ABHD2: variants seen among roughly 807,000 people sequenced by gnomAD.
ABHD2 encodes monoacylglycerol lipase ABHD2.
A neutral mutation model predicts 48.1 loss-of-function variants in ABHD2; 20 were observed. That is an observed-to-expected ratio of 0.42 (90% CI 0.29 to 0.60). ABHD2 has a LOEUF of 0.60. Among genes scored for constraint, ABHD2 ranks in the 20% least tolerant of loss-of-function variants. ABHD2 has a pLI of 0.24. For missense variants in ABHD2, 405 were observed against 550.9 expected (o/e 0.74, Z 2.65); for synonymous variants, 209 against 214.2 (o/e 0.98, Z 0.21).
Position 89,102,802 on chromosome 15 carries a change from T to C in ABHD2, c.-106-10923T>C, listed in dbSNP as rs2049721929. Among the ~76,000 whole-genome samples the C allele has an allele frequency of 6.6e-6, 1 of 152,134 alleles. No individual in the cohort carries two copies. The highest frequency in any genetic ancestry group is 2.1e-4 in the South Asian group (1 of 4,828). Reference sequence around the variant, plus strand: ...TCTGCAGTGTAGAGTATTTTTTAGGTGGACTAGGAGCAAATGCCTGCCTGA... The same window carrying C: ...TCTGCAGTGTAGAGTATTTTTTAGGCGGACTAGGAGCAAATGCCTGCCTGA... On this transcript the variant is annotated intron_variant, in intron 1 of 10. Transcript: ENST00000352732. This position sits in a 1 kb window ranked among gnomAD's most constrained non-coding sequence, Gnocchi z 4.8.
chr15:89,068,189 TGC>T, the ABHD2 span, among the ~76,000 whole-genome samples: 1 of 79,470 alleles, frequency 1.3e-5, no homozygotes, highest in Non-Finnish European at 2.6e-5. Flanking sequence ...TACACACATG[TGC>T]GCGTGCACAC....
At chr15:89,074,269 C>T in the ABHD2 span, among the ~76,000 whole-genome samples, 3 of 151,800 alleles carry the variant, frequency 2.0e-5, no homozygotes, top group African/African-American at 4.8e-5. Flanking sequence ...CCAGCTACTC[C>T]GGAGGCTGAG....
chr15:89,041,440 A>G, the ABHD2 span: 1 of 152,282 alleles, frequency 6.6e-6, no homozygotes, highest in African/African-American at 2.4e-5. Context: ...TTCTGTCTCC[A>G]CCCATCAGTA....
At position 89,088,556 on chromosome 15, in the gene ABHD2, A is replaced by ACACG. The variant is rs1490353410; in HGVS notation, c.-111_-108dup. 1 of 152,348 alleles carries ACACG rather than the reference A, an allele frequency of 6.6e-6. No homozygotes were observed. The allele number at this position is 152,348 out of a possible 1,614,324, so 9.4% of individuals were successfully genotyped here. A position where few individuals can be genotyped will look rare whatever the true frequency, so the allele number is the denominator to read the frequency against. ...GCGAGCTGAGCACCTGTAGTCAATCACACGCAGGTAAAGCCACGGCCGAGC... is the reference window on the plus strand; with the variant it reads ...GCGAGCTGAGCACCTGTAGTCAATCACACGCACGCAGGTAAAGCCACGGCCGAGC... On this transcript the variant is annotated 5_prime_UTR_variant, in exon 1 of 11. Transcript: ENST00000352732. The surrounding 1 kb of genome is among the most constrained non-coding windows in gnomAD (Gnocchi z 6.8).
At chr15:89,124,237 G>A (rs1241607863) in intron 3 of ABHD2, among the ~76,000 whole-genome samples, 7 of 152,124 alleles carry the variant, frequency 4.6e-5, no homozygotes, top group South Asian at 2.1e-4. Flanking sequence ...TATATGAAAC[G>A]GCCACTTCTT....
chr15:89,153,104 T>A (rs2050619724), intron 4 of ABHD2, among the ~76,000 whole-genome samples: 1 of 152,194 alleles, frequency 6.6e-6, no homozygotes, highest in Non-Finnish European at 1.5e-5. Context: ...CATGGCTGCC[T>A]CCTCCTTGTC....
chr15:89,099,685 C>T (rs1023841577), intron 1 of ABHD2, among the ~76,000 whole-genome samples: 5 of 150,998 alleles, frequency 3.3e-5, no homozygotes, highest in African/African-American at 7.3e-5. Context: ...TTTGGGAGGC[C>T]GAGGTAAGTG....
Position 89,186,970 on chromosome 15 carries a change from T to C in ABHD2, c.816-1223T>C, listed in dbSNP as rs750675138. On this transcript the variant is annotated intron_variant, in intron 7 of 10. Coordinates refer to ENST00000352732, the MANE Select transcript of ABHD2 (RefSeq NM_152924.5). The surrounding 1 kb of genome is among the most constrained non-coding windows in gnomAD (Gnocchi z 4.3). Reference sequence around the variant, plus strand: ...AGAGCAGAGGGAGACTTATGTCCCCTGTGCTGGCTGGAAAATCAGCTGTTC... The same window carrying C: ...AGAGCAGAGGGAGACTTATGTCCCCCGTGCTGGCTGGAAAATCAGCTGTTC... Among the ~76,000 whole-genome samples, 1 of 152,230 alleles carries C rather than the reference T, an allele frequency of 6.6e-6. No homozygotes were observed. The highest frequency in any genetic ancestry group is 6.5e-5 in the Admixed American group (1 of 15,286).
chr15:89,133,030 C>T (rs2050244283), intron 3 of ABHD2, among the ~76,000 whole-genome samples: 1 of 152,220 alleles, frequency 6.6e-6, no homozygotes, highest in Non-Finnish European at 1.5e-5. Context: ...TGCATCATTT[C>T]CTTCCTCTTA....
In ABHD2 at chr15:89,115,000, C is replaced by T. The variant is rs1285340402; in HGVS notation, c.-7+1176C>T. On this transcript the variant is annotated intron_variant, in intron 2 of 10. Coordinates refer to ENST00000352732, the MANE Select transcript of ABHD2 (RefSeq NM_152924.5). The surrounding 1 kb of genome is among the most constrained non-coding windows in gnomAD (Gnocchi z 4.2). ...CAGAGATTTTCTGCCAAAGTGACCT[C>T]GAGTTTAGAAAAGGGTTTCTGAGTC... Among the ~76,000 whole-genome samples, 2 of 152,144 alleles carry T rather than the reference C, an allele frequency of 1.3e-5. No homozygotes were observed. The highest frequency in any genetic ancestry group is 2.9e-5 in the Non-Finnish European group (2 of 68,028).
At chr15:89,084,378 C>T (rs1312342088), upstream of ABHD2, among the ~76,000 whole-genome samples, 1 of 152,210 alleles carries the variant, frequency 6.6e-6, no homozygotes, top group Non-Finnish European at 1.5e-5. The surrounding 1 kb of genome is among the most constrained non-coding windows in gnomAD (Gnocchi z 4.4). Flanking sequence ...TGGTTCACTG[C>T]ATCCGCCGCC....
chr15:89,170,059 C>T (rs1030312100), intron 5 of ABHD2, among the ~76,000 whole-genome samples: 2 of 139,440 alleles, frequency 1.4e-5, no homozygotes, highest in Admixed American at 7.7e-5. Flanking sequence ...GGCTCAGAGC[C>T]ATTCCATGTC....
At position 89,177,870 on chromosome 15, in the gene ABHD2, A is replaced by T. The variant is rs748542386; in HGVS notation, c.722+1875A>T. Among the ~76,000 whole-genome samples the T allele has an allele frequency of 2.0e-5, 3 of 152,132 alleles. No homozygotes were observed. The highest frequency in any genetic ancestry group is 6.5e-5 in the Admixed American group (1 of 15,280). Reference sequence around the variant, plus strand: ...GTTTGTTTTGTTTTCTTTTTTTTCAATGCACAAAATCTTAACACGACAATC... The same window carrying T: ...GTTTGTTTTGTTTTCTTTTTTTTCATTGCACAAAATCTTAACACGACAATC... On this transcript the variant is annotated intron_variant, in intron 6 of 10. Coordinates refer to ENST00000352732, the MANE Select transcript of ABHD2 (RefSeq NM_152924.5). The surrounding 1 kb of genome is among the most constrained non-coding windows in gnomAD (Gnocchi z 5.6).
the ABHD2 span, among the ~76,000 whole-genome samples, chr15:89,055,561 T>G: frequency 6.8e-4 from 103 of 152,258 alleles, no homozygotes; most frequent in Non-Finnish European, 8.8e-5. Flanking sequence ...TCTTGAACTC[T>G]GGACCACAAG....
rs979366074 is a variant in ABHD2, at chr15:89,091,574, G to GT, written c.-107+3013dup. On this transcript the variant is annotated intron_variant, in intron 1 of 10. Transcript: ENST00000352732. The surrounding 1 kb of genome is among the most constrained non-coding windows in gnomAD (Gnocchi z 5.5). ...GGCAGGACCCATAACCTCTGTAGTG[G>GT]TTCTCACTGCCCTTGTTCAGAGCTC... is the stretch of plus-strand genomic sequence containing the variant. Among the ~76,000 whole-genome samples, 1 of 152,136 alleles carries GT rather than the reference G, an allele frequency of 6.6e-6. No individual in the cohort carries two copies. Among genetic ancestry groups the GT allele is most frequent in the African/African-American group, 2.4e-5 (1 of 41,422 alleles).
chr15:89,070,567 A>G, the ABHD2 span, among the ~76,000 whole-genome samples: 1 of 152,178 alleles, frequency 6.6e-6, no homozygotes, highest in Admixed American at 6.5e-5. Context: ...CCAAAGAAGA[A>G]CAGGGATGGG....
chr15:89,144,203 A>C (rs1211899524), intron 3 of ABHD2, among the ~76,000 whole-genome samples: 1 of 152,026 alleles, frequency 6.6e-6, no homozygotes, highest in South Asian at 2.1e-4. Context: ...GCACAATCTC[A>C]GCTCACTGCA....
intron 2 of ABHD2, among the ~76,000 whole-genome samples, chr15:89,115,380 G>A (rs2049940612): frequency 1.4e-3 from 3 of 2,186 alleles, no homozygotes; most frequent in East Asian, 0.018. Flanking sequence ...ATGTGTGTGT[G>A]TGTGTGTGTG....
chr15:89,123,861 G>GCCT (rs2050092116), intron 3 of ABHD2, among the ~76,000 whole-genome samples: 1 of 152,108 alleles, frequency 6.6e-6, no homozygotes, highest in Admixed American at 6.5e-5. Context: ...TCCAGCCTCA[G>GCCT]CCTCCCAAAG....
Sources: gnomAD v4.1 joint callset for allele counts (sites outside exome capture counted in the v4.1 genomes callset) on GRCh38, gnomAD v4.1.1 for gene constraint, Gnocchi (gnomAD v3.1) non-coding constraint, MANE v1.5 for transcripts, NCBI Gene and HGNC (gene_info 2026-07-23, HGNC 2026-07-21) for gene names.